Variants in NAALADL2 observed in about 807,000 individuals in gnomAD.
NAALADL2 encodes the protein inactive N-acetylated-alpha-linked acidic dipeptidase-like protein 2.
NAALADL2 carries 76 observed loss-of-function variants against 87.2 expected under a neutral mutation model. The ratio of observed to expected loss-of-function variants is 0.87; its 90% confidence interval spans 0.72 to 1.05. NAALADL2 has a LOEUF of 1.05. NAALADL2 is among the 50% of genes least tolerant of loss of function. The pLI, the probability that NAALADL2 is intolerant of heterozygous loss-of-function variation, is 0.00. For missense variants in NAALADL2, 1,089 were observed against 945.8 expected (o/e 1.15, Z -1.99); for synonymous variants, 354 against 331.0 (o/e 1.07, Z -0.75).
At chr3:174,844,564 A>G (rs1030595169) in intron 3 of NAALADL2, among the ~76,000 whole-genome samples, 3 of 152,138 alleles carry the variant, frequency 2.0e-5, no homozygotes, top group Non-Finnish European at 1.5e-5. Context: ...AATTGCATCA[A>G]TTCTGTAGAT....
At chr3:175,584,765 G>T (rs1250018236) in intron 10 of NAALADL2, among the ~76,000 whole-genome samples, 1 of 152,164 alleles carries the variant, frequency 6.6e-6, no homozygotes, top group Non-Finnish European at 1.5e-5. Context: ...TATAAAAAGT[G>T]CAGTAAAGTA....
intron 3 of NAALADL2, among the ~76,000 whole-genome samples, chr3:174,803,820 T>C (rs1719130673): frequency 6.6e-6 from 1 of 152,178 alleles, no homozygotes; most frequent in African/African-American, 2.4e-5. Flanking sequence ...TTCTGTTCCA[T>C]TGGCCTATAT....
At chr3:174,499,766 T>C (rs1718775034) in intron 1 of NAALADL2, among the ~76,000 whole-genome samples, 1 of 152,080 alleles carries the variant, frequency 6.6e-6, no homozygotes, top group Admixed American at 6.5e-5. Context: ...AATCTCTCTT[T>C]TGTTACATTG....
rs575170464 is a variant in NAALADL2 at position 175,318,502 on chromosome 3, G to A, written c.940-5673G>A. On this transcript the variant is annotated intron_variant, in intron 4 of 13. Coordinates refer to ENST00000454872, the MANE Select transcript of NAALADL2 (RefSeq NM_207015.3). ...TTATTTTTTTCCTCAAAAAACTTTT[G>A]TTAGTTTTTATTTATTTAAAAAGTA... Among the ~76,000 whole-genome samples the A allele has an allele frequency of 1.4e-4, 22 of 151,986 alleles. No homozygotes were observed. In the South Asian group the frequency reaches 4.6e-3, roughly 31 times the overall value.
chr3:174,702,949 C>A (rs1314683755), intron 2 of NAALADL2, among the ~76,000 whole-genome samples: 1 of 152,090 alleles, frequency 6.6e-6, no homozygotes, highest in African/African-American at 2.4e-5. Context: ...TCTGCCTCAG[C>A]GTTCAGAGTT....
chr3:175,391,517 G>C (rs1769065829), intron 5 of NAALADL2, among the ~76,000 whole-genome samples: 1 of 152,110 alleles, frequency 6.6e-6, no homozygotes, highest in South Asian at 2.1e-4. Context: ...AACACCCAGT[G>C]GGGGAAGTAA....
chr3:175,127,213 C>G (rs1026164222), intron 2 of NAALADL2, among the ~76,000 whole-genome samples: 1 of 152,084 alleles, frequency 6.6e-6, no homozygotes, highest in Admixed American at 6.6e-5. Flanking sequence ...AAATATTTAT[C>G]ATTTCACTTC....
chr3:175,090,492 G>T (rs1719890143), intron 1 of NAALADL2, among the ~76,000 whole-genome samples: 1 of 151,924 alleles, frequency 6.6e-6, no homozygotes. Context: ...GCCTACTCGG[G>T]GAACTAGCAG....
At chr3:175,494,012 T>C (rs1312392967) in intron 9 of NAALADL2, among the ~76,000 whole-genome samples, 1 of 152,124 alleles carries the variant, frequency 6.6e-6, no homozygotes, top group Non-Finnish European at 1.5e-5. Flanking sequence ...TGTTGTCTCA[T>C]GTTAAAAATA....
intron 3 of NAALADL2, among the ~76,000 whole-genome samples, chr3:175,253,479 G>A (rs1375717328): frequency 2.0e-5 from 3 of 152,162 alleles, no homozygotes; most frequent in Non-Finnish European, 4.4e-5. Context: ...CAAGAGCTCC[G>A]ATGGTGATGT....
At chr3:175,719,437 T>C (rs970729646) in intron 11 of NAALADL2, among the ~76,000 whole-genome samples, 1 of 151,702 alleles carries the variant, frequency 6.6e-6, no homozygotes, top group African/African-American at 2.4e-5. Context: ...CATGTGGAAA[T>C]GGTTTACAGG....
chr3:175,705,334 A>G (rs1372515837), intron 11 of NAALADL2, among the ~76,000 whole-genome samples: 1 of 152,176 alleles, frequency 6.6e-6, no homozygotes, highest in East Asian at 1.9e-4. Flanking sequence ...TTCTGCTGCA[A>G]TATATGACTA....
At position 175,348,903 on chromosome 3, in the gene NAALADL2, C is replaced by A. The variant is rs188457171; in HGVS notation, c.1090+24578C>A. 4.0e-3 allele frequency among the ~76,000 whole-genome samples: 605 copies of A among 152,142 alleles called. 2 individuals carry two copies. The highest frequency in any genetic ancestry group is 0.01 in the Middle Eastern group (3 of 294). ...GAATTTTTGCATGATTACAGAATAA[C>A]CGTTTATAAAGTTTTGAAAACCCAG... On this transcript the variant is annotated intron_variant, in intron 5 of 13. Transcript: ENST00000454872.
intron 11 of NAALADL2, among the ~76,000 whole-genome samples, chr3:175,641,038 C>T (rs139173756): frequency 1.9e-4 from 29 of 152,264 alleles, no homozygotes; most frequent in African/African-American, 4.3e-4. Context: ...TGCATTTATC[C>T]GTTGGCTTCT....
chr3:175,662,809 A>G (rs956493578), intron 11 of NAALADL2, among the ~76,000 whole-genome samples: 1 of 151,966 alleles, frequency 6.6e-6, no homozygotes, highest in African/African-American at 2.4e-5. Context: ...TGATTTGTAT[A>G]TGTTGAATCA....
chr3:174,688,614 T>C (rs2108846356), intron 2 of NAALADL2, among the ~76,000 whole-genome samples: 1 of 152,154 alleles, frequency 6.6e-6, no homozygotes, highest in South Asian at 2.1e-4. Context: ...GAAATTGCAA[T>C]AAATATTTGA....
chr3:174,558,481 A>G (rs1713142429), intron 2 of NAALADL2, among the ~76,000 whole-genome samples: 1 of 152,126 alleles, frequency 6.6e-6, no homozygotes, highest in Non-Finnish European at 1.5e-5. Flanking sequence ...CTGCAACTAG[A>G]CGGTCCCATC....
Position 175,805,141 on chromosome 3 carries a change from G to A in NAALADL2, c.*1938G>A, listed in dbSNP as rs1374341003. On this transcript the variant is annotated 3_prime_UTR_variant, in exon 14 of 14. Coordinates refer to ENST00000454872, the MANE Select transcript of NAALADL2 (RefSeq NM_207015.3). ...CTTATATTTAACCAAAGGTTGATGTGTTCATTCCAGTTATTCACTTACAGA... is the reference window on the plus strand; with the variant it reads ...CTTATATTTAACCAAAGGTTGATGTATTCATTCCAGTTATTCACTTACAGA... The A allele has an allele frequency of 2.0e-5, 3 of 151,810 alleles. No homozygotes were observed. Among genetic ancestry groups the A allele is most frequent in the Non-Finnish European group, 1.5e-5 (1 of 67,862 alleles). 9.4% of individuals were successfully genotyped at this position (151,810 alleles called of 1,614,324 possible). A position where few individuals can be genotyped will look rare whatever the true frequency, so the allele number is the denominator to read the frequency against.
Position 175,680,939 on chromosome 3 carries a change from C to T in NAALADL2, c.1896+53553C>T, listed in dbSNP as rs551496792. Among the ~76,000 whole-genome samples the T allele has an allele frequency of 3.3e-5, 5 of 152,150 alleles. No individual in the cohort carries two copies. In the South Asian group the frequency reaches 1.0e-3, roughly 32 times the overall value. Reference sequence around the variant, plus strand: ...ACAATCCTGGCCAACATGGTGAAACCCCGTCTCTACTAACATACAAAAAAT... The same window carrying T: ...ACAATCCTGGCCAACATGGTGAAACTCCGTCTCTACTAACATACAAAAAAT... On this transcript the variant is annotated intron_variant, in intron 11 of 13. Transcript: ENST00000454872.
Sources: gnomAD v4.1 joint callset for allele counts (sites outside exome capture counted in the v4.1 genomes callset) on GRCh38, gnomAD v4.1.1 for gene constraint, MANE v1.5 for transcripts, NCBI Gene and HGNC (gene_info 2026-07-23, HGNC 2026-07-21) for gene names.